Variants in CSMD1 observed in about 807,000 individuals in gnomAD.
CSMD1 encodes CUB and sushi domain-containing protein 1.
Under a neutral mutation model 417.5 loss-of-function variants are expected in CSMD1, and 213 were observed. The ratio of observed to expected loss-of-function variants is 0.51; its 90% CI spans 0.46 to 0.57. The LOEUF (loss-of-function observed/expected upper bound fraction) is 0.57. Among genes scored for constraint, CSMD1 ranks in the 20% least tolerant of loss-of-function variants. The pLI, the probability that CSMD1 is intolerant of heterozygous loss-of-function variation, is 0.00. For synonymous variants in CSMD1, 2,862 were observed against 1,736.8 expected, an observed-to-expected ratio of 1.65 and a Z score of -16.11; for missense variants, 6,923 against 4,529.7, an observed-to-expected ratio of 1.53 and a Z score of -15.17.
At chr8:4,158,702 C>T (rs1796978165) in intron 3 of CSMD1, among the ~76,000 whole-genome samples, 1 of 152,064 alleles carries the variant, frequency 6.6e-6, no homozygotes, top group South Asian at 2.1e-4. Flanking sequence ...TATTCCTAAA[C>T]CACCCCATTC....
chr8:3,812,475 T>A (rs1009938483), intron 5 of CSMD1, among the ~76,000 whole-genome samples: 1 of 152,168 alleles, frequency 6.6e-6, no homozygotes, highest in African/African-American at 2.4e-5. Context: ...ACGATCCCCT[T>A]GAAATGGTCC....
chr8:4,033,511 T>G (rs1037401816), intron 3 of CSMD1, among the ~76,000 whole-genome samples: 3 of 152,164 alleles, frequency 2.0e-5, no homozygotes, highest in African/African-American at 7.2e-5. Context: ...CCACTTCCAG[T>G]TGTCCCGCCT....
At chr8:4,397,839 A>G (rs944934989) in intron 3 of CSMD1, among the ~76,000 whole-genome samples, 3 of 152,172 alleles carry the variant, frequency 2.0e-5, no homozygotes, top group African/African-American at 7.2e-5. Context: ...AAATAATGTA[A>G]TGTCAGGATA....
chr8:3,195,529 T>A (rs769611930), intron 33 of CSMD1, among the ~76,000 whole-genome samples: 2 of 152,214 alleles, frequency 1.3e-5, no homozygotes, highest in African/African-American at 2.4e-5. Flanking sequence ...GTTCGGCTTT[T>A]GCATTGCGTC....
At chr8:4,129,517 G>C (rs770450978) in intron 3 of CSMD1, among the ~76,000 whole-genome samples, 2 of 152,104 alleles carry the variant, frequency 1.3e-5, no homozygotes, top group African/African-American at 4.8e-5. Context: ...CATTTTGCCA[G>C]GGCATAGGAA....
At chr8:4,924,744 A>AC (rs1806740044) in intron 1 of CSMD1, among the ~76,000 whole-genome samples, 1 of 151,462 alleles carries the variant, frequency 6.6e-6, no homozygotes, top group Non-Finnish European at 1.5e-5. Flanking sequence ...AAAAAAAAAA[A>AC]ACCTACAAAA....
chr8:3,617,075 T>C (rs934271987), intron 7 of CSMD1, among the ~76,000 whole-genome samples: 1 of 152,192 alleles, frequency 6.6e-6, no homozygotes, highest in Non-Finnish European at 1.5e-5. Flanking sequence ...TTGGTCCTTA[T>C]GATTACTTTT....
At chr8:3,990,244 C>T (rs868574062) in intron 5 of CSMD1, among the ~76,000 whole-genome samples, 29 of 152,032 alleles carry the variant, frequency 1.9e-4, no homozygotes, top group South Asian at 2.1e-4. Flanking sequence ...CATTTTAATC[C>T]ATAAAAGACT....
intron 2 of CSMD1, among the ~76,000 whole-genome samples, chr8:4,455,313 A>G (rs1339604341): frequency 1.3e-5 from 2 of 152,202 alleles, no homozygotes; most frequent in Admixed American, 6.5e-5. Context: ...ATTAGCAAAG[A>G]AGATGATCAC....
At chr8:3,703,679 G>C (rs1285599876) in intron 7 of CSMD1, among the ~76,000 whole-genome samples, 1 of 152,184 alleles carries the variant, frequency 6.6e-6, no homozygotes, top group Non-Finnish European at 1.5e-5. Context: ...TGAGCCTGCA[G>C]GATGTGCACG....
chr8:3,135,113 A>G (rs1052734960), intron 41 of CSMD1, among the ~76,000 whole-genome samples: 1 of 152,132 alleles, frequency 6.6e-6, no homozygotes, highest in African/African-American at 2.4e-5. Context: ...ACAGGGTCTC[A>G]CCATGTTACC....
At chr8:4,773,566 G>A (rs957306180) in intron 1 of CSMD1, among the ~76,000 whole-genome samples, 2 of 152,116 alleles carry the variant, frequency 1.3e-5, no homozygotes, top group African/African-American at 2.4e-5. Context: ...CTTTCACACT[G>A]AATCCTCCTT....
At position 3,451,653 on chromosome 8, in the gene CSMD1, C is replaced by G. The variant is rs556969109; in HGVS notation, c.1561+17059G>C. Among the ~76,000 whole-genome samples the G allele has an allele frequency of 2.0e-5, 3 of 152,256 alleles. No individual in the cohort carries two copies. The South Asian group carries it at 6.2e-4, about 32-fold the overall frequency. On this transcript the variant is annotated intron_variant, in intron 12 of 69. Transcript: ENST00000635120. ...ATATATGGCATTATTTCTGAGGGCT[C>G]TGTTCTGTTCCATTGGTCTATATCT...
chr8:4,037,595 G>C (rs541840151), intron 3 of CSMD1, among the ~76,000 whole-genome samples: 62 of 127,760 alleles, frequency 4.9e-4, no homozygotes, highest in Non-Finnish European at 8.6e-4. Flanking sequence ...GATTGCAATG[G>C]AAAGGAGAAT....
chr8:3,021,654 G>A (rs887185412), intron 51 of CSMD1, among the ~76,000 whole-genome samples: 2 of 151,922 alleles, frequency 1.3e-5, no homozygotes, highest in East Asian at 1.9e-4. Flanking sequence ...CAAAGCCTCC[G>A]GAATGCACCT....
intron 8 of CSMD1, among the ~76,000 whole-genome samples, chr8:3,599,171 G>A (rs1378722698): frequency 2.0e-5 from 3 of 150,550 alleles, no homozygotes; most frequent in Non-Finnish European, 3.0e-5. Context: ...GTCTGTGTGT[G>A]TGTGTGTGTG....
chr8:3,211,838 G>A (rs1343497036), intron 30 of CSMD1, among the ~76,000 whole-genome samples: 1 of 152,216 alleles, frequency 6.6e-6, no homozygotes, highest in African/African-American at 2.4e-5. Context: ...CAAGAGCACA[G>A]GGCAAGCACC....
chr8:4,817,084 C>G (rs1273061215), intron 1 of CSMD1, among the ~76,000 whole-genome samples: 1 of 151,982 alleles, frequency 6.6e-6, no homozygotes, highest in Non-Finnish European at 1.5e-5. Flanking sequence ...GTATATACAA[C>G]TTTATTATGT....
In CSMD1 at chr8:3,221,843, G is replaced by T. The variant is rs552418951; in HGVS notation, c.4484+1886C>A. On this transcript the variant is annotated intron_variant, in intron 28 of 69. Transcript: ENST00000635120. ...CCTGAACGAGCCTGGGAGCCCATATGTCCTTCAGGTCATATGATTCTTTGC... is the reference window on the plus strand; with the variant it reads ...CCTGAACGAGCCTGGGAGCCCATATTTCCTTCAGGTCATATGATTCTTTGC... 5.9e-5 allele frequency among the ~76,000 whole-genome samples: 9 copies of T among 152,114 alleles called. No individual in the cohort carries two copies. In the South Asian group the frequency reaches 1.7e-3, roughly 28 times the overall value.
Sources: gnomAD v4.1 joint callset for allele counts (sites outside exome capture counted in the v4.1 genomes callset) on GRCh38, gnomAD v4.1.1 for gene constraint, MANE v1.5 for transcripts, NCBI Gene and HGNC (gene_info 2026-07-23, HGNC 2026-07-21) for gene names.